Variants in DENND5B observed in about 807,000 individuals in gnomAD.
The protein encoded by DENND5B is DENN domain-containing protein 5B.
In DENND5B, 34 loss-of-function variants were observed where a neutral mutation model predicts 140.6. The ratio of observed to expected loss-of-function variants is 0.24; its 90% CI spans 0.18 to 0.32. The LOEUF (loss-of-function observed/expected upper bound fraction) is 0.32, where lower values mean the gene tolerates loss of function less well. Among genes scored for constraint, DENND5B ranks in the 10% least tolerant of loss-of-function variants. The pLI, the probability that DENND5B is intolerant of heterozygous loss-of-function variation, is 1.00. For missense variants in DENND5B, 1,142 were observed against 1,560.2 expected, an observed-to-expected ratio of 0.73 and a Z score of 4.52; for synonymous variants, 551 against 562.1, an observed-to-expected ratio of 0.98 and a Z score of 0.28.
intron 1 of DENND5B, among the ~76,000 whole-genome samples, chr12:31,526,599 G>A (rs1948091626): frequency 6.6e-6 from 1 of 152,204 alleles, no homozygotes; most frequent in Non-Finnish European, 1.5e-5. Context: ...AGTCTCTGCA[G>A]AGATTAGGGG....
chr12:31,567,533 A>G (rs1268688092), intron 1 of DENND5B, among the ~76,000 whole-genome samples: 1 of 150,300 alleles, frequency 6.7e-6, no homozygotes, highest in African/African-American at 2.4e-5. Flanking sequence ...TCTAAAAAAA[A>G]AAAAAAAAAA....
intron 1 of DENND5B, among the ~76,000 whole-genome samples, chr12:31,522,045 T>G (rs963650303): frequency 3.9e-5 from 6 of 152,166 alleles, no homozygotes; most frequent in Admixed American, 2.6e-4. Context: ...TATAGTAAAT[T>G]TGCTGTCATA....
At chr12:31,450,505 C>T (rs1260512281) in intron 5 of DENND5B, among the ~76,000 whole-genome samples, 2 of 152,030 alleles carry the variant, frequency 1.3e-5, no homozygotes, top group Admixed American at 6.5e-5. Context: ...CAGAGGAGCA[C>T]ACCACCATGC....
intron 6 of DENND5B, among the ~76,000 whole-genome samples, chr12:31,443,373 TC>T (rs1256004597): frequency 2.0e-5 from 3 of 152,128 alleles, no homozygotes; most frequent in Non-Finnish European, 4.4e-5. Context: ...CCACGCCCGG[TC>T]TTGAAATAGA....
rs111458853 is a variant in DENND5B, at chr12:31,522,874, T to C, written c.128-26955A>G. On this transcript the variant is annotated intron_variant, in intron 1 of 20. Coordinates refer to ENST00000389082, the MANE Select transcript of DENND5B (RefSeq NM_144973.4). ...AGGGAGTGGGGCTTATATGCAGGCTTTGACTTCCAGTTTTATTGAGGGTGG... is the reference window on the plus strand; with the variant it reads ...AGGGAGTGGGGCTTATATGCAGGCTCTGACTTCCAGTTTTATTGAGGGTGG... 1.3e-3 allele frequency among the ~76,000 whole-genome samples: 193 copies of C among 152,192 alleles called. 2 individuals are homozygous for C. The highest frequency in any genetic ancestry group is 4.1e-3 in the African/African-American group (170 of 41,532).
chr12:31,577,842 G>C (rs1348999155), intron 1 of DENND5B, among the ~76,000 whole-genome samples: 1 of 151,688 alleles, frequency 6.6e-6, no homozygotes, highest in South Asian at 2.1e-4. Flanking sequence ...AATTCTACAG[G>C]GTCCAGTGCA....
intron 1 of DENND5B, among the ~76,000 whole-genome samples, chr12:31,584,799 C>T (rs1950337895): frequency 6.6e-6 from 1 of 152,098 alleles, no homozygotes; most frequent in Non-Finnish European, 1.5e-5. Context: ...TGCACTCCAG[C>T]CTGGGTAACA....
At chr12:31,569,392 A>G (rs554740511) in intron 1 of DENND5B, among the ~76,000 whole-genome samples, 12 of 152,188 alleles carry the variant, frequency 7.9e-5, no homozygotes, top group Non-Finnish European at 1.2e-4. Context: ...TGTAACATAT[A>G]TATCTGGCTC....
intron 3 of DENND5B, among the ~76,000 whole-genome samples, chr12:31,474,385 T>C (rs1402016955): frequency 6.6e-6 from 1 of 152,230 alleles, no homozygotes; most frequent in East Asian, 1.9e-4. Context: ...CTCCAGGTAT[T>C]TCCCAGTTGC....
chr12:31,569,533 G>A (rs1949745072), intron 1 of DENND5B, among the ~76,000 whole-genome samples: 1 of 152,204 alleles, frequency 6.6e-6, no homozygotes. Flanking sequence ...TGCCAGCTGG[G>A]AGCGATGGCT....
At chr12:31,521,399 G>A (rs1947879934) in intron 1 of DENND5B, among the ~76,000 whole-genome samples, 1 of 151,392 alleles carries the variant, frequency 6.6e-6, no homozygotes, top group African/African-American at 2.4e-5. Context: ...TGATCCACCT[G>A]CCTCAGCCTC....
At chr12:31,579,747 A>AGAG (rs1555176911) in intron 1 of DENND5B, among the ~76,000 whole-genome samples, 5 of 132,928 alleles carry the variant, frequency 3.8e-5, no homozygotes, top group African/African-American at 1.1e-4. Context: ...GAGGGGAGGG[A>AGAG]AGGGAGAGAG....
In DENND5B at chr12:31,392,610, A is replaced by G; in HGVS notation, c.3339+4T>C. 1 of 1,555,102 alleles carries G rather than the reference A, an allele frequency of 6.4e-7. No homozygotes were observed. The highest frequency in any genetic ancestry group is 8.7e-7 in the Non-Finnish European group (1 of 1,148,566). On this transcript the variant is annotated splice_donor_region_variant and intron_variant, in intron 18 of 20. Coordinates refer to ENST00000389082, the MANE Select transcript of DENND5B (RefSeq NM_144973.4). ...CTATACTAAGTTTTATAGCCCATAAATACCTCTTTTTCAGGTTTATGAAAA... is the reference window on the plus strand; with the variant it reads ...CTATACTAAGTTTTATAGCCCATAAGTACCTCTTTTTCAGGTTTATGAAAA...
chr12:31,547,986 G>A (rs1948918899), intron 1 of DENND5B, among the ~76,000 whole-genome samples: 1 of 152,144 alleles, frequency 6.6e-6, no homozygotes, highest in Non-Finnish European at 1.5e-5. Flanking sequence ...GACTGAAGGT[G>A]TGAGCCACCG....
chr12:31,580,021 TACTG>T (rs10606989), intron 1 of DENND5B, among the ~76,000 whole-genome samples: 86,191 of 151,028 alleles, frequency 0.57, 25,039 homozygotes, highest in East Asian at 0.82. Flanking sequence ...AAGAGAACTG[TACTG>T]ACTGACTGTG....
In DENND5B at chr12:31,495,705, TAAATG is replaced by T. The variant is rs564794040; in HGVS notation, c.237+100_237+104del. ...ATTTCTTATAAAATCACTTAAAGAA[TAAATG>T]AAATGAAATAAGGTAGACATTCAAA... On this transcript the variant is annotated intron_variant, in intron 2 of 20. Transcript: ENST00000389082. 5.1e-4 allele frequency: 469 copies of T among 913,988 alleles called. 3 individuals carry two copies. The South Asian group carries it at 7.7e-3, about 15-fold the overall frequency. 56.6% of individuals were successfully genotyped at this position (913,988 alleles called of 1,614,324 possible).
intron 1 of DENND5B, among the ~76,000 whole-genome samples, chr12:31,581,793 G>A (rs554225981): frequency 1.3e-5 from 2 of 150,736 alleles, no homozygotes; most frequent in South Asian, 2.1e-4. Flanking sequence ...TTACTTAATC[G>A]CTCCTCATGT....
intron 1 of DENND5B, chr12:31,499,582 C>A: frequency 2.7e-6 from 4 of 1,473,458 alleles, no homozygotes; most frequent in Non-Finnish European, 3.6e-6. Flanking sequence ...AATAGCCCAT[C>A]CTTGTTCTTA....
At chr12:31,581,496 C>G (rs1451268454) in intron 1 of DENND5B, among the ~76,000 whole-genome samples, 1 of 152,002 alleles carries the variant, frequency 6.6e-6, no homozygotes, top group African/African-American at 2.4e-5. Flanking sequence ...CGAGACCAGC[C>G]TGACCAACAT....
Sources: gnomAD v4.1 joint callset for allele counts (sites outside exome capture counted in the v4.1 genomes callset) on GRCh38, gnomAD v4.1.1 for gene constraint, MANE v1.5 for transcripts, NCBI Gene and HGNC (gene_info 2026-07-23, HGNC 2026-07-21) for gene names.